Variants in ADAMTS18 observed in about 807,000 individuals in gnomAD.
ADAMTS18 encodes the protein ADAM metallopeptidase with thrombospondin type 1 motif 18, also known as A disintegrin and metalloproteinase with thrombospondin motifs 18.
A neutral mutation model predicts 165.9 loss-of-function variants in ADAMTS18; 157 were observed. The observed-to-expected ratio is 0.95, with a 90% CI of 0.83 to 1.08. The LOEUF is 1.08. Among genes scored for constraint, ADAMTS18 ranks in the 50% least tolerant of loss-of-function variants. ADAMTS18 has a pLI of 0.00. For missense variants in ADAMTS18, 2,040 were observed against 1,534.0 expected, an observed-to-expected ratio of 1.33 and a Z score of -5.51; for synonymous variants, 782 against 578.2, an observed-to-expected ratio of 1.35 and a Z score of -5.06.
chr16:77,364,112 A>T (rs1047913463), intron 5 of ADAMTS18, 76 bp downstream of exon 5: 59 of 1,583,056 alleles, frequency 3.7e-5, no homozygotes, highest in Non-Finnish European at 4.9e-5. Flanking sequence ...TACACCTGCT[A>T]TTCAACCCAT....
intron 13 of ADAMTS18, among the ~76,000 whole-genome samples, chr16:77,324,141 C>T (rs752620621): frequency 2.4e-4 from 37 of 152,116 alleles, no homozygotes; most frequent in Admixed American, 3.9e-4. Flanking sequence ...GGAATATCCA[C>T]GAAGCCAAAC....
At chr16:77,343,884 A>G (rs971733375) in intron 10 of ADAMTS18, among the ~76,000 whole-genome samples, 8 of 152,174 alleles carry the variant, frequency 5.3e-5, no homozygotes, top group Admixed American at 4.6e-4. Flanking sequence ...GAAGATGGAC[A>G]TTTTGGAGAA....
chr16:77,335,859 G>A lies in ADAMTS18; in HGVS notation c.1756C>T (p.Arg586Trp), dbSNP rs769577910. 3.4e-5 allele frequency: 55 copies of A among 1,614,038 alleles called. No individual in the cohort carries two copies. The highest frequency in any genetic ancestry group is 4.2e-5 in the Non-Finnish European group (50 of 1,180,048). The change falls in exon 12 of 23, where the codon CGG becomes TGG. Residue 586 changes from arginine to tryptophan, a missense_variant. Arg to Trp is a moderately radical substitution (Grantham distance 101). Transcript: ENST00000282849. ...GCGGACCACTGGCCGTGGATGGGCC[G>A]GGGCCCGAGCTCCCCAAACTTTACG... Reference protein sequence around the residue: ...QCVKFGELGPRPIHGQWSAWS... With the variant: ...QCVKFGELGPWPIHGQWSAWS...
intron 8 of ADAMTS18, among the ~76,000 whole-genome samples, chr16:77,358,277 T>C (rs1279108048): frequency 6.6e-6 from 1 of 152,198 alleles, no homozygotes; most frequent in African/African-American, 2.4e-5. Context: ...ATGTAGCTCA[T>C]AGAAGATACT....
At chr16:77,350,208 G>A (rs752114402) in intron 10 of ADAMTS18, among the ~76,000 whole-genome samples, 1 of 152,144 alleles carries the variant, frequency 6.6e-6, no homozygotes, top group Non-Finnish European at 1.5e-5. Flanking sequence ...CCATTAGAAA[G>A]ATTCGTAACT....
chr16:77,318,695 C>G (rs1363320384), intron 16 of ADAMTS18, among the ~76,000 whole-genome samples: 1 of 152,188 alleles, frequency 6.6e-6, no homozygotes, highest in African/African-American at 2.4e-5. Flanking sequence ...GGAAAAGACT[C>G]TGACTCCAGT....
chr16:77,371,544 A>G (rs1347928692), intron 3 of ADAMTS18, among the ~76,000 whole-genome samples: 1 of 152,194 alleles, frequency 6.6e-6, no homozygotes, highest in Non-Finnish European at 1.5e-5. Flanking sequence ...CAGTTTTTTC[A>G]ACAAATAATG....
intron 3 of ADAMTS18, among the ~76,000 whole-genome samples, chr16:77,417,852 C>A (rs753341543): frequency 6.6e-6 from 1 of 152,290 alleles, no homozygotes; most frequent in Admixed American, 6.5e-5. Flanking sequence ...CACACATTTG[C>A]AAAGCACAGG....
intron 3 of ADAMTS18, among the ~76,000 whole-genome samples, chr16:77,423,497 T>G (rs554541693): frequency 1.8e-4 from 28 of 152,168 alleles, no homozygotes; most frequent in Non-Finnish European, 3.7e-4. Flanking sequence ...TAGAATATTT[T>G]TCTTTCAATT....
rs761822048 is a variant in ADAMTS18, at chr16:77,337,494, G to C, written c.1711-1590C>G. Among the ~76,000 whole-genome samples the C allele has an allele frequency of 2.6e-5, 4 of 152,178 alleles. No homozygotes were observed. The East Asian group carries it at 7.7e-4, about 29-fold the overall frequency. Reference sequence around the variant, plus strand: ...AAATACTAGCTAACTTGCTCAGAGTGACACAAACTACCCAAACAGATCTAT... The same window carrying C: ...AAATACTAGCTAACTTGCTCAGAGTCACACAAACTACCCAAACAGATCTAT... On this transcript the variant is annotated intron_variant, in intron 11 of 22. Transcript: ENST00000282849.
chr16:77,317,114 T>TA (rs1047323197), intron 16 of ADAMTS18, among the ~76,000 whole-genome samples: 3 of 152,298 alleles, frequency 2.0e-5, no homozygotes, highest in Middle Eastern at 3.4e-3. Flanking sequence ...TCTGTTTTTT[T>TA]ATCTCATACT....
chr16:77,284,418 G>T (rs948529412), intron 22 of ADAMTS18, among the ~76,000 whole-genome samples: 1 of 151,964 alleles, frequency 6.6e-6, no homozygotes, highest in Non-Finnish European at 1.5e-5. Flanking sequence ...GTGATCCACC[G>T]GGCCCAGCCT....
At chr16:77,413,645 A>T (rs2057493100) in intron 3 of ADAMTS18, among the ~76,000 whole-genome samples, 2 of 152,162 alleles carry the variant, frequency 1.3e-5, no homozygotes, top group Non-Finnish European at 2.9e-5. Context: ...GGATATTTTT[A>T]AAACTATAAT....
intron 16 of ADAMTS18, among the ~76,000 whole-genome samples, chr16:77,319,314 G>A (rs1435418802): frequency 6.6e-6 from 1 of 152,158 alleles, no homozygotes; most frequent in African/African-American, 2.4e-5. Flanking sequence ...ATTGGTGAAA[G>A]GTTGACCTCT....
chr16:77,432,512 GTTT>G (rs1567563089), intron 2 of ADAMTS18: 1 of 152,090 alleles, frequency 6.6e-6, no homozygotes, highest in East Asian at 1.9e-4. Flanking sequence ...CCAGCACACT[GTTT>G]TCTTTCACCA....
chr16:77,320,691 G>A (rs1312360618), intron 15 of ADAMTS18, among the ~76,000 whole-genome samples: 1 of 152,026 alleles, frequency 6.6e-6, no homozygotes, highest in African/African-American at 2.4e-5. Context: ...CTTCAGTGAT[G>A]AAATTCAGAA....
intron 3 of ADAMTS18, among the ~76,000 whole-genome samples, chr16:77,397,291 G>A (rs964878942): frequency 3.3e-5 from 5 of 152,168 alleles, no homozygotes; most frequent in Non-Finnish European, 7.4e-5. Flanking sequence ...GTATACAAAA[G>A]AAGGGCAGAG....
chr16:77,363,857 A>G lies in ADAMTS18; in HGVS notation c.1001T>C (p.Ile334Thr), dbSNP rs1307290859. 1 of 1,614,078 alleles carries G rather than the reference A, an allele frequency of 6.2e-7. No individual in the cohort carries two copies. The highest frequency in any genetic ancestry group is 8.5e-7 in the Non-Finnish European group (1 of 1,179,984). Residue 334 changes from isoleucine to threonine, a missense_variant, in exon 6 of 23, where the codon ATT becomes ACT. Coordinates refer to ENST00000282849, the MANE Select transcript of ADAMTS18 (RefSeq NM_199355.4). ...CACAACCACGTTTATGTCACTTCCA[A>G]TAGTCCCATCTTTAAATAGGCCAGA... ...MVSGLFKDGT[I>T]GSDINVVVVS...
At chr16:77,293,330 A>AAAC in intron 19 of ADAMTS18, 72 bp from the exon 20 acceptor site, 10 of 1,243,446 alleles carry the variant, frequency 8.0e-6, no homozygotes, top group Non-Finnish European at 1.2e-5. Context: ...AAAAAACAAC[A>AAAC]CACTAAATAT....
Sources: allele counts gnomAD v4.1 joint callset (sites outside exome capture counted in the v4.1 genomes callset), GRCh38; gene constraint gnomAD v4.1.1; transcripts MANE v1.5; gene names NCBI Gene and HGNC (gene_info 2026-07-23, HGNC 2026-07-21).